WLS: variants seen among roughly 807,000 people sequenced by gnomAD.
WLS encodes Wnt ligand secretion mediator, also known as protein wntless homolog.
A neutral mutation model predicts 62.8 loss-of-function variants in WLS; 23 were observed. The ratio of observed to expected loss-of-function variants is 0.37; its 90% CI spans 0.26 to 0.52. WLS has a LOEUF of 0.52. WLS is among the 20% of genes least tolerant of loss of function. WLS has a pLI of 0.92. For synonymous variants in WLS, 246 were observed against 244.1 expected (o/e 1.01, Z -0.07); for missense variants, 615 against 697.3 (o/e 0.88, Z 1.33).
chr1:68,147,944 C>CCTTCTCA, intron 8 of WLS, among the ~76,000 whole-genome samples, 192 bp downstream of exon 8: 1 of 152,224 alleles, frequency 6.6e-6, no homozygotes, highest in Non-Finnish European at 1.5e-5. Context: ...ATTTTGCCTG[C>CCTTCTCA]TCTCACCCAG....
At chr1:68,220,662 A>G (rs142569024) in intron 1 of WLS, among the ~76,000 whole-genome samples, 33 of 152,346 alleles carry the variant, frequency 2.2e-4, no homozygotes, top group African/African-American at 6.3e-4. Flanking sequence ...CTCATTTAAC[A>G]TGAACTATCA....
intron 2 of WLS, among the ~76,000 whole-genome samples, chr1:68,192,397 G>T (rs904037314): frequency 6.6e-6 from 1 of 151,874 alleles, no homozygotes; most frequent in African/African-American, 2.4e-5. Flanking sequence ...TGGGAAGATT[G>T]CTTGAGCTCA....
chr1:68,167,013 T>G (rs1208116061), intron 2 of WLS, among the ~76,000 whole-genome samples: 1 of 152,118 alleles, frequency 6.6e-6, no homozygotes, highest in African/African-American at 2.4e-5. Flanking sequence ...GTGATATCAC[T>G]CCTCACCCCC....
Position 68,148,522 on chromosome 1 carries a change from G to GATGCACA in WLS, c.1070+34_1070+40dup, listed in dbSNP as rs1646782353. On this transcript the variant is annotated intron_variant, in intron 7 of 11. Coordinates refer to ENST00000262348, the MANE Select transcript of WLS (RefSeq NM_024911.7). ...CTAAAATGACAGGAGTGGGCGTGGTGATGCACAGTTTGGCTCAGTGTCCCA... is the reference window on the plus strand; with the variant it reads ...CTAAAATGACAGGAGTGGGCGTGGTGATGCACAATGCACAGTTTGGCTCAGTGTCCCA... 6 of 1,591,320 alleles carry GATGCACA rather than the reference G, an allele frequency of 3.8e-6. No homozygotes were observed. In the East Asian group the frequency reaches 1.3e-4, roughly 36 times the overall value.
At chr1:68,203,398 C>T (rs550200211) in intron 1 of WLS, among the ~76,000 whole-genome samples, 4 of 152,294 alleles carry the variant, frequency 2.6e-5, no homozygotes, top group Admixed American at 6.5e-5. Context: ...TGAATGAAGA[C>T]GACTGTGGCC....
intron 1 of WLS, among the ~76,000 whole-genome samples, chr1:68,218,771 A>G (rs1269888225): frequency 6.6e-6 from 1 of 152,240 alleles, no homozygotes; most frequent in African/African-American, 2.4e-5. Context: ...GAATGTGCGA[A>G]TGAATTCATT....
intron 2 of WLS, among the ~76,000 whole-genome samples, chr1:68,184,668 A>G (rs1647802923): frequency 6.6e-6 from 1 of 152,226 alleles, no homozygotes; most frequent in East Asian, 1.9e-4. Flanking sequence ...AACTAGACAG[A>G]AGCATCATGT....
At chr1:68,227,706 C>T (rs1571043912) in intron 1 of WLS, among the ~76,000 whole-genome samples, 1 of 151,984 alleles carries the variant, frequency 6.6e-6, no homozygotes, top group South Asian at 2.1e-4. Flanking sequence ...GAATTGAATA[C>T]AGAAAAATAT....
chr1:68,172,404 T>C (rs752907018), intron 2 of WLS, among the ~76,000 whole-genome samples: 4 of 152,146 alleles, frequency 2.6e-5, no homozygotes, highest in Non-Finnish European at 5.9e-5. Flanking sequence ...TATACATGTA[T>C]ATAAACATAA....
At chr1:68,161,725 T>C in intron 2 of WLS, 1 of 1,465,294 alleles carries the variant, frequency 6.8e-7, no homozygotes, top group Non-Finnish European at 9.5e-7. Context: ...CCCAAATGTA[T>C]CTGAATGATT....
chr1:68,103,475 T>C (rs908740220), intron 11 of WLS, among the ~76,000 whole-genome samples: 1 of 152,212 alleles, frequency 6.6e-6, no homozygotes, highest in African/African-American at 2.4e-5. Flanking sequence ...CCAGGAAAGC[T>C]AGAAAGACAA....
intron 2 of WLS, among the ~76,000 whole-genome samples, chr1:68,164,449 G>A (rs1425361757): frequency 6.6e-6 from 1 of 151,978 alleles, no homozygotes; most frequent in Non-Finnish European, 1.5e-5. Context: ...GCAGAGTCAG[G>A]GTTTATCCAT....
At chr1:68,151,198 A>C (rs902369839) in intron 5 of WLS, among the ~76,000 whole-genome samples, 1 of 152,184 alleles carries the variant, frequency 6.6e-6, no homozygotes, top group African/African-American at 2.4e-5. Flanking sequence ...GGAAGTGGAA[A>C]GGGTGTTTGG....
At chr1:68,230,611 G>A (rs1302014021) in intron 1 of WLS, among the ~76,000 whole-genome samples, 5 of 151,896 alleles carry the variant, frequency 3.3e-5, no homozygotes, top group Non-Finnish European at 7.4e-5. Flanking sequence ...GTGTGTGTGT[G>A]TGTTGAGGGT....
intron 2 of WLS, among the ~76,000 whole-genome samples, chr1:68,166,318 A>G (rs1647059171): frequency 6.6e-6 from 1 of 152,248 alleles, no homozygotes; most frequent in Non-Finnish European, 1.5e-5. Context: ...TGATAGAAGA[A>G]GCCCCTCAAA....
chr1:68,206,381 T>C (rs1389665597), intron 1 of WLS, among the ~76,000 whole-genome samples: 1 of 152,088 alleles, frequency 6.6e-6, no homozygotes, highest in East Asian at 1.9e-4. Flanking sequence ...ATCAATAAAA[T>C]CAAACTGGCC....
At chr1:68,105,281 C>A (rs1383921447) in intron 11 of WLS, among the ~76,000 whole-genome samples, 1 of 152,172 alleles carries the variant, frequency 6.6e-6, no homozygotes, top group East Asian at 1.9e-4. Context: ...AGACATCTAA[C>A]CTGAGTGCTT....
At chr1:68,122,396 T>C (rs1646374408), downstream of WLS, among the ~76,000 whole-genome samples, 1 of 152,218 alleles carries the variant, frequency 6.6e-6, no homozygotes, top group Non-Finnish European at 1.5e-5. Flanking sequence ...AAAACCACCC[T>C]TGGGCAGTCA....
intron 2 of WLS, among the ~76,000 whole-genome samples, chr1:68,190,085 T>C (rs928746117): frequency 2.0e-5 from 3 of 152,232 alleles, no homozygotes; most frequent in African/African-American, 7.2e-5. Context: ...TTAGAGTGAG[T>C]TGGTTAATTA....
Sources: gnomAD v4.1 joint callset for allele counts (sites outside exome capture counted in the v4.1 genomes callset) on GRCh38, gnomAD v4.1.1 for gene constraint, MANE v1.5 for transcripts, NCBI Gene and HGNC (gene_info 2026-07-23, HGNC 2026-07-21) for gene names.